The following MYOCD variants were observed in gnomAD, a reference collection of about 807,000 sequenced individuals.
MYOCD encodes the protein myocardin.
Under a neutral mutation model 96.1 loss-of-function variants are expected in MYOCD, and 32 were observed. The ratio of observed to expected loss-of-function variants is 0.33; its 90% CI spans 0.25 to 0.45. The LOEUF (loss-of-function observed/expected upper bound fraction) is 0.45. Among genes scored for constraint, MYOCD ranks in the 20% least tolerant of loss-of-function variants. The probability of loss-of-function intolerance (pLI) is 1.00; values close to 1 mark genes in which losing one functional copy is unlikely to be tolerated. For synonymous variants in MYOCD, 469 were observed against 469.0 expected, an observed-to-expected ratio of 1.00 and a Z score of 0.00; for missense variants, 1,133 against 1,200.6, an observed-to-expected ratio of 0.94 and a Z score of 0.83.
chr17:12,712,654 G>T (rs7210857), intron 2 of MYOCD, among the ~76,000 whole-genome samples: 22,591 of 152,154 alleles, frequency 0.15, 1,800 homozygotes, highest in Middle Eastern at 0.2. Flanking sequence ...ACAGAAATAG[G>T]AATAGCCCAC....
At chr17:12,669,035 G>C (rs1864057160) in intron 1 of MYOCD, among the ~76,000 whole-genome samples, 1 of 152,186 alleles carries the variant, frequency 6.6e-6, no homozygotes, top group Non-Finnish European at 1.5e-5. Context: ...AAGTGTAACT[G>C]TGATTGTGCT....
In MYOCD at chr17:12,763,520, C is replaced by T. The variant is rs1289232519; in HGVS notation, c.2837C>T (p.Pro946Leu). 1 of 1,614,182 alleles carries T rather than the reference C, an allele frequency of 6.2e-7. No homozygotes were observed. Among genetic ancestry groups the T allele is most frequent in the Admixed American group, 1.7e-5 (1 of 60,026 alleles). ...ETMEWLDLTP[P>L]NSTPGFSALT... The stretch of plus-strand genomic sequence containing the variant: ...ATGGAGTGGCTGGACCTCACTCCGC[C>T]AAATTCCACACCAGGCTTTAGCGCC... Residue 946 changes from proline (P) to leucine (L), a missense_variant, in exon 14 of 14, where the codon CCA (proline) becomes CTA (leucine). By Grantham distance (98) the Pro-to-Leu change is moderately conservative. Coordinates refer to ENST00000425538, the MANE Select transcript of MYOCD (RefSeq NM_001146312.3).
chr17:12,690,644 A>T (rs1300650691), intron 1 of MYOCD, among the ~76,000 whole-genome samples: 2 of 152,164 alleles, frequency 1.3e-5, no homozygotes, highest in African/African-American at 4.8e-5. Context: ...TTTCTCAAAC[A>T]TACTTCTTTT....
chr17:12,738,524 C>A (rs1801384464), intron 6 of MYOCD, among the ~76,000 whole-genome samples: 2 of 152,002 alleles, frequency 1.3e-5, no homozygotes, highest in Non-Finnish European at 2.9e-5. Context: ...TGCCTGTGTG[C>A]ACACATGTGC....
chr17:12,744,021 G>T (rs756592359), intron 7 of MYOCD, among the ~76,000 whole-genome samples, 162 bp from the exon 8 acceptor site: 3 of 152,144 alleles, frequency 2.0e-5, no homozygotes, highest in Non-Finnish European at 4.4e-5. Flanking sequence ...CATTAGCAAC[G>T]TTAGTGTCCT....
At chr17:12,689,709 TA>T (rs1479972503) in intron 1 of MYOCD, among the ~76,000 whole-genome samples, 1 of 152,046 alleles carries the variant, frequency 6.6e-6, no homozygotes, top group Non-Finnish European at 1.5e-5. Context: ...CAGGCAACTG[TA>T]ATCCCAGCTA....
rs571852365 is a variant in MYOCD at position 12,752,901 on chromosome 17, A to G, written c.1613A>G (p.Glu538Gly). The G allele has an allele frequency of 1.9e-6, 3 of 1,614,118 alleles. No individual in the cohort carries two copies. Among genetic ancestry groups the G allele is most frequent in the South Asian group, 2.2e-5 (2 of 91,074 alleles). ...GAACTCACCTGGAAACTCCAGCAAG[A>G]GCAGAGGCAGGTGGAGGAGCTGAGG... ...INELTWKLQQ[E>G]QRQVEELRMQ... Residue 538 changes from glutamate (E) to glycine (G), a missense_variant, in exon 10 of 14, where the codon GAG becomes GGG. Transcript: ENST00000425538.
chr17:12,740,795 G>C (rs2032483037), intron 7 of MYOCD, among the ~76,000 whole-genome samples: 1 of 151,962 alleles, frequency 6.6e-6, no homozygotes, highest in African/African-American at 2.4e-5. Flanking sequence ...CTGGAGTGCA[G>C]TGGCGTGATC....
intron 2 of MYOCD, among the ~76,000 whole-genome samples, chr17:12,713,103 C>T (rs1785092987): frequency 6.6e-6 from 1 of 152,130 alleles, no homozygotes; most frequent in African/African-American, 2.4e-5. Flanking sequence ...AGGAGAAGAG[C>T]ATGTGGTAAA....
intron 10 of MYOCD, among the ~76,000 whole-genome samples, chr17:12,755,513 C>T (rs759103966): frequency 4.2e-4 from 64 of 151,650 alleles, no homozygotes; most frequent in Non-Finnish European, 5.9e-4. Context: ...GGAGGCCAAG[C>T]GAGTGGATCA....
intron 1 of MYOCD, among the ~76,000 whole-genome samples, chr17:12,681,064 T>C (rs1345430534): frequency 6.6e-6 from 1 of 152,212 alleles, no homozygotes; most frequent in Non-Finnish European, 1.5e-5. Flanking sequence ...CTGAAGGAGC[T>C]ATCTCAAAAT....
rs974618220 is a variant in MYOCD, at chr17:12,746,490, T to A, written c.1125+418T>A. Among the ~76,000 whole-genome samples the A allele has an allele frequency of 2.0e-5, 3 of 152,090 alleles. No homozygotes were observed. The East Asian group carries it at 5.8e-4, about 29-fold the overall frequency. On this transcript the variant is annotated intron_variant, in intron 9 of 13. Coordinates refer to ENST00000425538, the MANE Select transcript of MYOCD (RefSeq NM_001146312.3). ...TTTTACCATAGCAAAAAATAATTTT[T>A]AAGTAGGCTATTTCTAGATAAGAGT...
At chr17:12,756,605 C>T in intron 11 of MYOCD, 48 bp downstream of exon 11, 2 of 1,485,998 alleles carry the variant, frequency 1.3e-6, no homozygotes, top group Non-Finnish European at 1.8e-6. Context: ...TTTGCCTCTT[C>T]TCTCTTCTGT....
intron 1 of MYOCD, among the ~76,000 whole-genome samples, chr17:12,678,098 G>T (rs1391221235): frequency 6.6e-6 from 1 of 151,382 alleles, no homozygotes; most frequent in Non-Finnish European, 1.5e-5. Context: ...TCACCATGTT[G>T]GCCTGGATGG....
chr17:12,692,272 T>TA (rs751841528), intron 1 of MYOCD, among the ~76,000 whole-genome samples: 7 of 152,234 alleles, frequency 4.6e-5, no homozygotes, highest in Non-Finnish European at 7.3e-5. Context: ...CATCGCAACC[T>TA]AAAGCTCCCT....
At position 12,666,144 on chromosome 17, in the gene MYOCD, CAG is replaced by C; in HGVS notation, c.-44_-43del. ...CCGGGAGCCTGTTGCTGGTGGAGAACAGGGGGCGCCTGGCCAAGGGACCAGCG... is the reference window on the plus strand; with the variant it reads ...CCGGGAGCCTGTTGCTGGTGGAGAACGGGGCGCCTGGCCAAGGGACCAGCG... On this transcript the variant is annotated 5_prime_UTR_variant, in exon 1 of 14. An upstream open reading frame in the 5' UTR loses its in-frame stop. Coordinates refer to ENST00000425538, the MANE Select transcript of MYOCD (RefSeq NM_001146312.3). The C allele has an allele frequency of 5.9e-6, 9 of 1,534,532 alleles. No individual in the cohort carries two copies. Among genetic ancestry groups the C allele is most frequent in the South Asian group, 1.1e-5 (1 of 88,832 alleles).
intron 10 of MYOCD, among the ~76,000 whole-genome samples, chr17:12,754,562 G>A (rs1436720600): frequency 1.3e-5 from 2 of 152,238 alleles, no homozygotes; most frequent in African/African-American, 4.8e-5. Flanking sequence ...GACTGTTCAA[G>A]GATCAGAAAA....
At chr17:12,674,663 G>A (rs192048424) in intron 1 of MYOCD, among the ~76,000 whole-genome samples, 29 of 152,218 alleles carry the variant, frequency 1.9e-4, no homozygotes, top group Middle Eastern at 3.4e-3. Context: ...ATGTATATAC[G>A]CATAGATTTA....
intron 5 of MYOCD, among the ~76,000 whole-genome samples, chr17:12,730,545 C>T (rs948086201): frequency 3.9e-5 from 6 of 151,950 alleles, no homozygotes; most frequent in African/African-American, 7.2e-5. Context: ...ATGCCATTTC[C>T]ATAATAAAAG....
Sources: allele counts gnomAD v4.1 joint callset (sites outside exome capture counted in the v4.1 genomes callset), GRCh38; gene constraint gnomAD v4.1.1; transcripts MANE v1.5; gene names NCBI Gene and HGNC (gene_info 2026-07-23, HGNC 2026-07-21).